Variants in CTDSPL2 observed in about 807,000 individuals in gnomAD.
CTDSPL2 encodes the protein CTD small phosphatase like 2.
Under a neutral mutation model 60.0 loss-of-function variants are expected in CTDSPL2, and 5 were observed. That is an observed-to-expected ratio of 0.08 (90% CI 0.04 to 0.18). CTDSPL2 has a LOEUF of 0.18. Among genes scored for constraint, CTDSPL2 ranks in the 10% least tolerant of loss-of-function variants. The pLI, the probability that CTDSPL2 is intolerant of heterozygous loss-of-function variation, is 1.00. For synonymous variants in CTDSPL2, 186 were observed against 189.3 expected, an observed-to-expected ratio of 0.98 and a Z score of 0.14; for missense variants, 370 against 548.8, an observed-to-expected ratio of 0.67 and a Z score of 3.26.
intron 10 of CTDSPL2, chr15:44,518,882 A>C (rs1343680010): frequency 5.7e-6 from 1 of 176,602 alleles, no homozygotes; most frequent in Non-Finnish European, 1.2e-5. Flanking sequence ...AATTACAAAA[A>C]CAATTTAGAG....
chr15:44,470,119 AAAT>A, intron 2 of CTDSPL2, among the ~76,000 whole-genome samples: 1 of 150,454 alleles, frequency 6.6e-6, no homozygotes, highest in African/African-American at 2.5e-5. Flanking sequence ...AAAAAAAAAA[AAAT>A]GGCGACTGCA....
rs1405512667 is a variant in CTDSPL2, at chr15:44,506,066, G to A, written c.969+6253G>A. Reference sequence around the variant, plus strand: ...TTTTTTTGAGACAGAGTCTCAATCTGTTGCCCAGGCTGGAGTGCAATGGCG... The same window carrying A: ...TTTTTTTGAGACAGAGTCTCAATCTATTGCCCAGGCTGGAGTGCAATGGCG... On this transcript the variant is annotated intron_variant, in intron 8 of 12. Transcript: ENST00000260327. 3.6e-5 allele frequency among the ~76,000 whole-genome samples: 4 copies of A among 110,486 alleles called. No individual in the cohort carries two copies. In the East Asian group the frequency reaches 1.2e-3, roughly 33 times the overall value. 72.5% of individuals were successfully genotyped at this position (110,486 alleles called of 152,430 possible).
chr15:44,495,055 T>A (rs1230579841), intron 5 of CTDSPL2, among the ~76,000 whole-genome samples: 1 of 152,190 alleles, frequency 6.6e-6, no homozygotes, highest in African/African-American at 2.4e-5. Flanking sequence ...CACTGCAACC[T>A]CTGCTTCCCG....
At chr15:44,512,814 C>T (rs993295500) in intron 8 of CTDSPL2, among the ~76,000 whole-genome samples, 7 of 152,018 alleles carry the variant, frequency 4.6e-5, no homozygotes, top group African/African-American at 1.2e-4. Flanking sequence ...AGGATTAGGC[C>T]GGGCGGAGTG....
At chr15:44,513,545 CTAGAT>C (rs2140863066) in intron 8 of CTDSPL2, among the ~76,000 whole-genome samples, 1 of 152,270 alleles carries the variant, frequency 6.6e-6, no homozygotes, top group South Asian at 2.1e-4. Context: ...ATTCCTAGAA[CTAGAT>C]TTTTGTCATG....
Position 44,484,208 on chromosome 15 carries a change from T to C in CTDSPL2, c.187-16T>C, listed in dbSNP as rs764969428. 13 of 1,583,822 alleles carry C rather than the reference T, an allele frequency of 8.2e-6. 1 individual carries two copies. In the African/African-American group the frequency reaches 8.2e-5, roughly 10 times the overall value. Reference sequence around the variant, plus strand: ...TGATTGTGCTTAGTGTGTTTTTTTTTCTCTTATATCTTAAGGAAGAGAGAG... The same window carrying C: ...TGATTGTGCTTAGTGTGTTTTTTTTCCTCTTATATCTTAAGGAAGAGAGAG... On this transcript the variant is annotated splice_polypyrimidine_tract_variant and intron_variant, in intron 2 of 12. Transcript: ENST00000260327.
chr15:44,431,439 G>A (rs557686849), intron 1 of CTDSPL2, among the ~76,000 whole-genome samples: 7 of 152,300 alleles, frequency 4.6e-5, no homozygotes, highest in South Asian at 2.1e-4. Context: ...GTAATTGGAC[G>A]TGCATTACAA....
intron 1 of CTDSPL2, among the ~76,000 whole-genome samples, chr15:44,443,362 T>C (rs1380753905): frequency 6.6e-6 from 1 of 152,228 alleles, no homozygotes; most frequent in African/African-American, 2.4e-5. Context: ...AATGCTGCTA[T>C]GAATATGGAT....
chr15:44,491,999 G>A (rs1031990690), intron 5 of CTDSPL2, among the ~76,000 whole-genome samples: 1 of 152,024 alleles, frequency 6.6e-6, no homozygotes, highest in Non-Finnish European at 1.5e-5. Flanking sequence ...GAGTAGCTGG[G>A]ATTACAGGCA....
intron 8 of CTDSPL2, among the ~76,000 whole-genome samples, chr15:44,512,425 G>A (rs959665445): frequency 6.6e-6 from 1 of 152,148 alleles, no homozygotes; most frequent in Admixed American, 6.5e-5. Flanking sequence ...AAAAGGTTCT[G>A]ATAGTTTATA....
At position 44,427,788 on chromosome 15, in the gene CTDSPL2, C is replaced by T. The variant is rs1294715129; in HGVS notation, c.-25+16C>T. On this transcript the variant is annotated intron_variant, in intron 1 of 12. Coordinates refer to ENST00000260327, the MANE Select transcript of CTDSPL2 (RefSeq NM_016396.3). Reference sequence around the variant, plus strand: ...TCACAGTTAGGTAATCCCCTTCGTCCAGACGCCGCCGCTGCTTCCAATCTC... The same window carrying T: ...TCACAGTTAGGTAATCCCCTTCGTCTAGACGCCGCCGCTGCTTCCAATCTC... 5 of 398,850 alleles carry T rather than the reference C, an allele frequency of 1.3e-5. No homozygotes were observed. The highest frequency in any genetic ancestry group is 6.2e-5 in the African/African-American group (3 of 48,640). The allele number at this position is 398,850 out of a possible 1,614,324, so 24.7% of individuals were successfully genotyped here. A position where few individuals can be genotyped will look rare whatever the true frequency, so the allele number is the denominator to read the frequency against.
At chr15:44,482,629 A>T (rs1043824064) in intron 2 of CTDSPL2, among the ~76,000 whole-genome samples, 1 of 152,206 alleles carries the variant, frequency 6.6e-6, no homozygotes, top group Non-Finnish European at 1.5e-5. Context: ...ATTTTAAAAT[A>T]CAGGAGAATA....
rs2081616877 is a variant in CTDSPL2 at position 44,514,479 on chromosome 15, CTATACTTTAAAACATGAACTTTTTCAT to C, written c.970-114_970-88del. 8.9e-6 allele frequency: 6 copies of C among 674,146 alleles called. No homozygotes were observed. The South Asian group carries it at 1.1e-4, about 12-fold the overall frequency. The allele number at this position is 674,146 out of a possible 1,614,324, so 41.8% of individuals were successfully genotyped here. On this transcript the variant is annotated intron_variant, in intron 8 of 12. Coordinates refer to ENST00000260327, the MANE Select transcript of CTDSPL2 (RefSeq NM_016396.3). The stretch of plus-strand genomic sequence containing the variant: ...TTTGAGTGGTACTTAGTTAATATTT[CTATACTTTAAAACATGAACTTTTTCAT>C]TATAATCAAAGTTAGAATACAGCAC...
At chr15:44,435,151 G>A (rs1330929989) in intron 1 of CTDSPL2, among the ~76,000 whole-genome samples, 5 of 151,482 alleles carry the variant, frequency 3.3e-5, no homozygotes, top group Non-Finnish European at 7.4e-5. Flanking sequence ...TCCCAGCCAC[G>A]GGGGCTGAGG....
chr15:44,521,182 GTGACA>G (rs1244702142), intron 11 of CTDSPL2, 124 bp from the exon 12 acceptor site: 3 of 498,908 alleles, frequency 6.0e-6, no homozygotes, highest in Non-Finnish European at 1.1e-5. Flanking sequence ...GAAAAGTCTG[GTGACA>G]TTACTTTTCA....
chr15:44,523,976 T>G (rs2081832991), intron 12 of CTDSPL2, 133 bp from the exon 13 acceptor site: 1 of 665,968 alleles, frequency 1.5e-6, no homozygotes, highest in Non-Finnish European at 2.6e-6. Context: ...CTGTGTAGTA[T>G]CTCTATTTGG....
At chr15:44,465,632 T>C (rs1258100700) in intron 2 of CTDSPL2, among the ~76,000 whole-genome samples, 2 of 152,078 alleles carry the variant, frequency 1.3e-5, no homozygotes, top group African/African-American at 4.8e-5. Flanking sequence ...AAAAACATGA[T>C]TAGATGAACA....
intron 7 of CTDSPL2, among the ~76,000 whole-genome samples, chr15:44,498,676 G>A (rs933286873): frequency 6.6e-6 from 1 of 151,230 alleles, no homozygotes; most frequent in Non-Finnish European, 1.5e-5. Flanking sequence ...AAGGCGGGCA[G>A]ATACTTGAGT....
chr15:44,515,986 CTTTTTTT>C (rs562541301), intron 10 of CTDSPL2, among the ~76,000 whole-genome samples: 10 of 132,978 alleles, frequency 7.5e-5, no homozygotes, highest in Non-Finnish European at 3.2e-5. Flanking sequence ...CTTTCTTTTT[CTTTTTTT>C]TTTTTTTTGA....
Sources: gnomAD v4.1 joint callset for allele counts (sites outside exome capture counted in the v4.1 genomes callset) on GRCh38, gnomAD v4.1.1 for gene constraint, MANE v1.5 for transcripts, NCBI Gene and HGNC (gene_info 2026-07-23, HGNC 2026-07-21) for gene names.